ATF2: variants seen among roughly 807,000 people sequenced by gnomAD.
The protein encoded by ATF2 is activating transcription factor 2, also known as cyclic AMP-dependent transcription factor ATF-2.
In ATF2, 24 loss-of-function variants were observed where a neutral mutation model predicts 60.6. The observed-to-expected ratio is 0.40, with a 90% CI of 0.29 to 0.56. The LOEUF is 0.56. ATF2 is among the 20% of genes least tolerant of loss of function. The pLI, the probability that ATF2 is intolerant of heterozygous loss-of-function variation, is 0.54. For missense variants in ATF2, 433 were observed against 607.7 expected (o/e 0.71, Z 3.02); for synonymous variants, 206 against 215.4 (o/e 0.96, Z 0.38).
rs755831858 is a variant in ATF2, at chr2:175,127,828, GAT to G, written c.102+2308_102+2309del. 9.3e-4 allele frequency among the ~76,000 whole-genome samples: 141 copies of G among 152,112 alleles called. No homozygotes were observed. In the Middle Eastern group the frequency reaches 0.014, roughly 15 times the overall value. On this transcript the variant is annotated intron_variant, in intron 4 of 13. Coordinates refer to ENST00000264110, the MANE Select transcript of ATF2 (RefSeq NM_001880.4). ...ACCTATCTAAAATTGCATTAACCCT[GAT>G]AACTCCTATGTTTACCTCGCTCTAC...
rs1172575137 is a variant in ATF2, at chr2:175,073,742, A to G, written c.*867T>C. ...ATACTTAATTATGCATAAACTTTGC[A>G]GTTTGTAACCTGAAATCTGTAAAAA... On this transcript the variant is annotated 3_prime_UTR_variant, in exon 14 of 14. Transcript: ENST00000264110. The G allele has an allele frequency of 6.6e-6, 1 of 152,150 alleles. No homozygotes were observed. The highest frequency in any genetic ancestry group is 2.4e-5 in the African/African-American group (1 of 41,458). 9.4% of individuals were successfully genotyped at this position (152,150 alleles called of 1,614,324 possible).
intron 4 of ATF2, chr2:175,127,373 A>G (rs938433343): frequency 6.5e-6 from 1 of 154,672 alleles, no homozygotes; most frequent in East Asian, 1.9e-4. Context: ...AACTTTACAG[A>G]AAAATATATA....
At position 175,154,427 on chromosome 2, in the gene ATF2, T is replaced by G. The variant is rs543675500; in HGVS notation, c.-142-3269A>C. Among the ~76,000 whole-genome samples the G allele has an allele frequency of 2.6e-5, 4 of 151,764 alleles. No individual in the cohort carries two copies. The South Asian group carries it at 8.3e-4, about 32-fold the overall frequency. On this transcript the variant is annotated intron_variant, in intron 1 of 13. Coordinates refer to ENST00000264110, the MANE Select transcript of ATF2 (RefSeq NM_001880.4). ...ATCACCTATGATAACAACGCCTTCTTGAAGAATACCTCCTGAAGGACCTGC... is the reference window on the plus strand; with the variant it reads ...ATCACCTATGATAACAACGCCTTCTGGAAGAATACCTCCTGAAGGACCTGC...
At chr2:175,136,295 A>G (rs1698139087) in intron 3 of ATF2, 117 bp downstream of exon 3, 1 of 960,992 alleles carries the variant, frequency 1.0e-6, no homozygotes, top group Non-Finnish European at 1.6e-6. Context: ...TAAGTAAGTG[A>G]CTTGTTTTGT....
intron 2 of ATF2, among the ~76,000 whole-genome samples, chr2:175,147,452 T>C (rs1412757975): frequency 1.3e-5 from 2 of 152,236 alleles, no homozygotes. Context: ...TCTATTTAGT[T>C]GGTTATAGAA....
At chr2:175,118,499 C>T (rs1696737002) in intron 5 of ATF2, 130 bp from the exon 6 acceptor site, 1 of 731,892 alleles carries the variant, frequency 1.4e-6, no homozygotes, top group Admixed American at 3.7e-5. Context: ...AAGACCTCTT[C>T]CTTTAAAACA....
chr2:175,156,519 G>A (rs1699699576), intron 1 of ATF2, among the ~76,000 whole-genome samples: 1 of 151,600 alleles, frequency 6.6e-6, no homozygotes, highest in Non-Finnish European at 1.5e-5. Flanking sequence ...AGAAAAAGAA[G>A]TCAGACAGGT....
chr2:175,093,376 T>C (rs538148534), intron 11 of ATF2, 109 bp from the exon 12 acceptor site: 8 of 1,066,558 alleles, frequency 7.5e-6, no homozygotes, highest in African/African-American at 4.8e-5. Context: ...CTAAGTCTTG[T>C]TGAATACATC....
chr2:175,153,032 A>T (rs1574493001), intron 1 of ATF2, among the ~76,000 whole-genome samples: 1 of 152,344 alleles, frequency 6.6e-6, no homozygotes, highest in East Asian at 1.9e-4. Context: ...CAGGTACAAA[A>T]GTAATTGCGG....
rs36047041 is a variant in ATF2 at position 175,074,807 on chromosome 2, G to A, written c.1320C>T (p.Asp440=). ...TATGTGGACTACTCGGCACTGAAAT[G>A]TCTTCTGAACTATCATCTTTATCAG... The part of the protein sequence containing the change: ...HTADKDDSSE[D]ISVPSSPHTE... Residue 440 remains aspartate, a synonymous_variant, in exon 14 of 14, where the codon GAC becomes GAT. Coordinates refer to ENST00000264110, the MANE Select transcript of ATF2 (RefSeq NM_001880.4). 1,538 of 1,613,456 alleles carry A rather than the reference G, an allele frequency of 9.5e-4. 19 individuals are homozygous for A. The African/African-American group carries it at 0.018, about 19-fold the overall frequency.
intron 12 of ATF2, among the ~76,000 whole-genome samples, chr2:175,090,926 A>G (rs1694501940): frequency 6.6e-6 from 1 of 152,194 alleles, no homozygotes. Flanking sequence ...TTTATTTTGA[A>G]TACTTAATTT....
At chr2:175,078,586 A>T (rs1381777572) in intron 13 of ATF2, among the ~76,000 whole-genome samples, 1 of 152,114 alleles carries the variant, frequency 6.6e-6, no homozygotes, top group African/African-American at 2.4e-5. Flanking sequence ...GGCGGGACAG[A>T]CCCTATGGCT....
chr2:175,134,158 CTTGTCA>C (rs1697955851), intron 3 of ATF2, among the ~76,000 whole-genome samples: 1 of 152,016 alleles, frequency 6.6e-6, no homozygotes. Context: ...GACTTTTTTT[CTTGTCA>C]TTATTACCTA....
intron 12 of ATF2, among the ~76,000 whole-genome samples, chr2:175,091,990 T>C: frequency 1.3e-5 from 2 of 152,344 alleles, no homozygotes; most frequent in South Asian, 4.1e-4. Context: ...TTCTAAATCA[T>C]TAAAATAAAA....
intron 4 of ATF2, among the ~76,000 whole-genome samples, chr2:175,124,688 C>T (rs1403106246): frequency 6.6e-6 from 1 of 150,902 alleles, no homozygotes; most frequent in Admixed American, 6.6e-5. Flanking sequence ...CGCACACACT[C>T]CCACACATAC....
chr2:175,121,655 G>T (rs1388098888), intron 4 of ATF2, 115 bp from the exon 5 acceptor site: 3 of 699,462 alleles, frequency 4.3e-6, no homozygotes, highest in East Asian at 2.9e-5. Flanking sequence ...TGAAATAGCA[G>T]TTTTTAAACT....
intron 1 of ATF2, among the ~76,000 whole-genome samples, chr2:175,165,693 G>C (rs571564795): frequency 6.6e-6 from 1 of 152,190 alleles, no homozygotes; most frequent in African/African-American, 2.4e-5. Flanking sequence ...TATTTGAGAC[G>C]GAGTCTCGCT....
At chr2:175,112,828 AC>A (rs1299336847) in intron 9 of ATF2, among the ~76,000 whole-genome samples, 1 of 152,134 alleles carries the variant, frequency 6.6e-6, no homozygotes, top group African/African-American at 2.4e-5. Flanking sequence ...TAGGCAAGCC[AC>A]CCACCCTGGT....
At position 175,108,207 on chromosome 2, in the gene ATF2, C is replaced by T. The variant is rs1048295078; in HGVS notation, c.828+3361G>A. Among the ~76,000 whole-genome samples the T allele has an allele frequency of 9.2e-5, 14 of 151,918 alleles. No individual in the cohort carries two copies. The Middle Eastern group carries it at 0.01, about 111-fold the overall frequency. ...ACCCCGTCTGGGATGTGAGGAGCCC[C>T]GCCGCCCGGCAGCCGCCCCATCTGA... On this transcript the variant is annotated intron_variant, in intron 10 of 13. Coordinates refer to ENST00000264110, the MANE Select transcript of ATF2 (RefSeq NM_001880.4).
Sources: gnomAD v4.1 joint callset for allele counts (sites outside exome capture counted in the v4.1 genomes callset) on GRCh38, gnomAD v4.1.1 for gene constraint, MANE v1.5 for transcripts, NCBI Gene and HGNC (gene_info 2026-07-23, HGNC 2026-07-21) for gene names.